The following NELL1 variants were observed in gnomAD, a reference collection of about 807,000 sequenced individuals.
NELL1 encodes neural EGFL like 1, also known as protein kinase C-binding protein NELL1.
NELL1 carries 76 observed loss-of-function variants against 107.4 expected under a neutral mutation model. That is an observed-to-expected ratio of 0.71 (90% CI 0.59 to 0.86). The LOEUF (loss-of-function observed/expected upper bound fraction) is 0.86. Among genes scored for constraint, NELL1 ranks in the 40% least tolerant of loss-of-function variants. The pLI is 0.00. For missense variants in NELL1, 1,024 were observed against 1,005.5 expected (o/e 1.02, Z -0.25); for synonymous variants, 353 against 341.2 (o/e 1.03, Z -0.38).
chr11:21,556,097 A>G (rs1416622875), intron 16 of NELL1, among the ~76,000 whole-genome samples: 1 of 151,908 alleles, frequency 6.6e-6, no homozygotes, highest in Non-Finnish European at 1.5e-5. Flanking sequence ...TCTCTCTGCC[A>G]CTGTAAAAAA....
At chr11:21,162,531 G>T (rs750981158) in intron 13 of NELL1, among the ~76,000 whole-genome samples, 1 of 152,156 alleles carries the variant, frequency 6.6e-6, no homozygotes, top group South Asian at 2.1e-4. Context: ...CATTTATCTT[G>T]TTCCAGATAT....
intron 12 of NELL1, among the ~76,000 whole-genome samples, chr11:20,975,893 T>TAAACACAC (rs1219299075): frequency 8.9e-6 from 1 of 111,760 alleles, no homozygotes; most frequent in African/African-American, 3.7e-5. Context: ...GTGTATTATA[T>TAAACACAC]ATACATATAT....
chr11:20,933,435 T>C (rs1850658380), intron 9 of NELL1, among the ~76,000 whole-genome samples: 1 of 152,152 alleles, frequency 6.6e-6, no homozygotes, highest in Non-Finnish European at 1.5e-5. Flanking sequence ...TGGGGAGCAA[T>C]ACATTCCGTT....
In NELL1 at chr11:21,573,149, A is replaced by G. The variant is rs752204026; in HGVS notation, c.2158-36A>G. 6 of 1,523,126 alleles carry G rather than the reference A, an allele frequency of 3.9e-6. No homozygotes were observed. In the Admixed American group the frequency reaches 8.4e-5, roughly 21 times the overall value. The allele number at this position is 1,523,126 out of a possible 1,614,324, so 94.4% of individuals were successfully genotyped here. ...CTTTGGGAATAAAATTATGCATAGG[A>G]ACAATAATGAGACATTTTTTGCTTT... On this transcript the variant is annotated intron_variant, in intron 18 of 19. Transcript: ENST00000357134.
chr11:20,932,321 G>GA (rs895882130), intron 9 of NELL1, among the ~76,000 whole-genome samples: 7 of 152,056 alleles, frequency 4.6e-5, no homozygotes, highest in Non-Finnish European at 8.8e-5. Flanking sequence ...GGAAGATGGA[G>GA]AAAAAAATAT....
At position 20,885,455 on chromosome 11, in the gene NELL1, G is replaced by T. The variant is rs538033128; in HGVS notation, c.518G>T (p.Arg173Leu). The T allele has an allele frequency of 1.9e-6, 3 of 1,609,710 alleles. No individual in the cohort carries two copies. The highest frequency in any genetic ancestry group is 2.7e-5 in the African/African-American group (2 of 74,948). Residue 173 changes from arginine (R) to leucine (L), a missense_variant, in exon 5 of 20, where the codon CGT becomes CTT. Physicochemically the swap from Arg to Leu is moderately radical, Grantham distance 102. Coordinates refer to ENST00000357134, the MANE Select transcript of NELL1 (RefSeq NM_006157.5). ...CTTTGCCTTTACAGGATTTATGAGC[G>T]TGTGATAGACCCTCCAGATACCAAC... ...LHVDCNRIYE[R>L]VIDPPDTNLP...
At chr11:21,477,152 C>T (rs1204804997) in intron 15 of NELL1, among the ~76,000 whole-genome samples, 1 of 152,070 alleles carries the variant, frequency 6.6e-6, no homozygotes, top group Non-Finnish European at 1.5e-5. Flanking sequence ...CACCACCCCT[C>T]CCCCAAGCCC....
intron 13 of NELL1, among the ~76,000 whole-genome samples, chr11:21,210,206 G>A (rs1171148221): frequency 2.0e-5 from 3 of 152,062 alleles, no homozygotes; most frequent in Non-Finnish European, 2.9e-5. Context: ...TCTGTGTACA[G>A]GTCTTTGTGT....
intron 15 of NELL1, among the ~76,000 whole-genome samples, chr11:21,378,544 G>A (rs1490673960): frequency 1.3e-5 from 2 of 151,680 alleles, no homozygotes; most frequent in African/African-American, 4.8e-5. Context: ...CTCTCTCAAT[G>A]GTGGAATAAA....
intron 13 of NELL1, among the ~76,000 whole-genome samples, chr11:21,165,990 A>G (rs1276034345): frequency 6.6e-6 from 1 of 151,566 alleles, no homozygotes; most frequent in African/African-American, 2.4e-5. Flanking sequence ...CCTGACCTCA[A>G]GTAAGCCACC....
At chr11:20,824,007 C>T (rs920812520) in intron 3 of NELL1, among the ~76,000 whole-genome samples, 1 of 151,240 alleles carries the variant, frequency 6.6e-6, no homozygotes, top group African/African-American at 2.4e-5. Context: ...TGCATCCTCA[C>T]CCAAATCTCA....
At chr11:20,714,070 G>GT (rs1374891121) in intron 2 of NELL1, among the ~76,000 whole-genome samples, 8 of 151,382 alleles carry the variant, frequency 5.3e-5, no homozygotes, top group Non-Finnish European at 7.4e-5. Context: ...GCATTCTTTT[G>GT]TTTTTTTCTG....
rs910088620 is a variant in NELL1, at chr11:20,674,709, A to G, written c.56-3223A>G. The G allele has an allele frequency of 2.7e-5, 17 of 633,108 alleles. No individual in the cohort carries two copies. The East Asian group carries it at 4.7e-4, about 17-fold the overall frequency. 39.2% of individuals were successfully genotyped at this position (633,108 alleles called of 1,614,324 possible). A position where few individuals can be genotyped will look rare whatever the true frequency, so the allele number is the denominator to read the frequency against. ...CTCAGTTTAGTGTTGTTTCCACAAT[A>G]CTTTCTGGATTGAGGGCACTGTGTT... On this transcript the variant is annotated intron_variant, in intron 1 of 19. Coordinates refer to ENST00000357134, the MANE Select transcript of NELL1 (RefSeq NM_006157.5).
chr11:21,137,989 C>T (rs1855781327), intron 13 of NELL1, among the ~76,000 whole-genome samples: 1 of 152,122 alleles, frequency 6.6e-6, no homozygotes, highest in East Asian at 1.9e-4. Context: ...CCTGGAGGGA[C>T]CTTTGAAATG....
At chr11:21,032,326 C>T (rs1243562489) in intron 12 of NELL1, among the ~76,000 whole-genome samples, 4 of 151,976 alleles carry the variant, frequency 2.6e-5, no homozygotes, top group Admixed American at 1.3e-4. Context: ...TCAGACTTAC[C>T]TTAACAAAAT....
chr11:21,324,497 G>T (rs1474996773), intron 14 of NELL1, among the ~76,000 whole-genome samples: 1 of 152,046 alleles, frequency 6.6e-6, no homozygotes, highest in Non-Finnish European at 1.5e-5. Context: ...CAGATACTGT[G>T]ATGCTGATAC....
chr11:21,418,517 T>C (rs1852575667), intron 15 of NELL1, among the ~76,000 whole-genome samples: 1 of 152,116 alleles, frequency 6.6e-6, no homozygotes, highest in South Asian at 2.1e-4. Context: ...CAGAGTTCCA[T>C]TCATCAAACT....
chr11:20,883,481 G>A (rs760630983), intron 4 of NELL1, among the ~76,000 whole-genome samples: 13 of 152,172 alleles, frequency 8.5e-5, no homozygotes, highest in South Asian at 2.1e-4. Context: ...TCGAAAGCTC[G>A]TCTAACTGTG....
chr11:20,706,267 C>T (rs552300749), intron 2 of NELL1, among the ~76,000 whole-genome samples: 143 of 152,126 alleles, frequency 9.4e-4, no homozygotes, highest in Non-Finnish European at 1.7e-3. Context: ...GGAACCAACC[C>T]TAATGTTCAA....
Sources: allele counts gnomAD v4.1 joint callset (sites outside exome capture counted in the v4.1 genomes callset), GRCh38; gene constraint gnomAD v4.1.1; transcripts MANE v1.5; gene names NCBI Gene and HGNC (gene_info 2026-07-23, HGNC 2026-07-21).